The following WDR11 variants were observed in gnomAD, a reference collection of about 807,000 sequenced individuals.
WDR11 encodes the protein WD repeat-containing protein 11.
In WDR11, 83 loss-of-function variants were observed where a neutral mutation model predicts 151.2. The observed-to-expected ratio is 0.55, with a 90% CI of 0.46 to 0.66. The LOEUF is 0.66. WDR11 is among the 30% of genes least tolerant of loss of function. The pLI is 0.00. For synonymous variants in WDR11, 484 were observed against 533.1 expected (o/e 0.91, Z 1.27); for missense variants, 1,301 against 1,480.9 (o/e 0.88, Z 1.99).
At chr10:120,882,154 T>C (rs1455817641) in intron 13 of WDR11, among the ~76,000 whole-genome samples, 1 of 152,116 alleles carries the variant, frequency 6.6e-6, no homozygotes, top group African/African-American at 2.4e-5. Context: ...TTCACTAATA[T>C]GGTGAATTAC....
chr10:120,862,739 T>C lies in WDR11; in HGVS notation c.531T>C (p.Leu177=). The stretch of plus-strand genomic sequence containing the variant: ...GTTTTGCTTTTCTCAATATAGTGCT[T>C]ACCAGCGAGGGTATTGTTTTCATCT... The part of the protein sequence containing the change: ...DPFDPSHLTL[L]TSEGIVFISD... The change falls in exon 5 of 29, where the codon CTT becomes CTC. Residue 177 remains leucine (L), a synonymous_variant. Transcript: ENST00000263461. 6.2e-7 allele frequency: 1 copy of C among 1,614,198 alleles called. No individual in the cohort carries two copies. Among genetic ancestry groups the C allele is most frequent in the Non-Finnish European group, 8.5e-7 (1 of 1,180,042 alleles).
chr10:120,858,866 G>A, intron 3 of WDR11, 70 bp downstream of exon 3: 1 of 1,589,180 alleles, frequency 6.3e-7, no homozygotes, highest in South Asian at 1.1e-5. Context: ...TTTGGTTTTG[G>A]GGGTTTTCCC....
intron 11 of WDR11, among the ~76,000 whole-genome samples, chr10:120,875,962 G>T (rs1243280038): frequency 6.7e-6 from 1 of 149,930 alleles, no homozygotes; most frequent in Admixed American, 6.7e-5. Context: ...AATGGAGAAG[G>T]GTTAACCTTT....
At chr10:120,871,977 A>C (rs1164161452) in intron 10 of WDR11, among the ~76,000 whole-genome samples, 1 of 152,220 alleles carries the variant, frequency 6.6e-6, no homozygotes, top group Admixed American at 6.5e-5. Context: ...GTTTGCTATT[A>C]AGTACACATT....
At chr10:120,874,521 A>C (rs1407647447) in intron 11 of WDR11, among the ~76,000 whole-genome samples, 1 of 151,108 alleles carries the variant, frequency 6.6e-6, no homozygotes, top group Non-Finnish European at 1.5e-5. Context: ...TTTAAGCTCC[A>C]CATGCATTAG....
chr10:120,877,504 A>G (rs1249841304), intron 11 of WDR11, among the ~76,000 whole-genome samples: 2 of 152,204 alleles, frequency 1.3e-5, no homozygotes, highest in Non-Finnish European at 2.9e-5. Context: ...CTGTAGGCTC[A>G]GCCATTTGGG....
intron 14 of WDR11, chr10:120,885,157 T>A (rs1049625970): frequency 2.6e-5 from 4 of 152,236 alleles, no homozygotes; most frequent in African/African-American, 9.7e-5. Context: ...GTGTTTTTAC[T>A]GAGAGAGGAG....
intron 10 of WDR11, among the ~76,000 whole-genome samples, chr10:120,873,486 TA>T (rs1418881331): frequency 6.6e-6 from 1 of 152,212 alleles, no homozygotes; most frequent in African/African-American, 2.4e-5. Flanking sequence ...GAGGACCAGC[TA>T]TAATAAACCT....
chr10:120,883,718 G>A (rs1253503629), intron 13 of WDR11, 62 bp from the exon 14 acceptor site: 1 of 1,404,738 alleles, frequency 7.1e-7, no homozygotes, highest in Non-Finnish European at 1.0e-6. Context: ...CTTTTTATTT[G>A]CTCTAATTCA....
At chr10:120,852,695 A>G (rs904506846) in intron 2 of WDR11, 60 bp downstream of exon 2, 44 of 1,373,496 alleles carry the variant, frequency 3.2e-5, no homozygotes, top group African/African-American at 5.7e-5. Flanking sequence ...AATACTGTGT[A>G]TCACTAAGCT....
chr10:120,908,654 G>GCTGGCAAAGACTTATTGAATGA lies in WDR11; in HGVS notation c.3617_3638dup (p.Glu1213AspfsTer8). 1 of 1,614,220 alleles carries GCTGGCAAAGACTTATTGAATGA rather than the reference G, an allele frequency of 6.2e-7. No homozygotes were observed. The highest frequency in any genetic ancestry group is 1.1e-5 in the South Asian group (1 of 91,082). ...TCTCTTTGCTTCAAAAGCCGGAGCA[G>GCTGGCAAAGACTTATTGAATGA]CTGGCAAAGACTTATTGAATGAGCT... On this transcript the variant is annotated frameshift_variant, in exon 29 of 29. Coordinates refer to ENST00000263461, the MANE Select transcript of WDR11 (RefSeq NM_018117.12). LOFTEE classifies it high-confidence loss of function.
intron 12 of WDR11, chr10:120,880,176 G>T (rs1846947621): frequency 6.6e-6 from 1 of 152,048 alleles, no homozygotes; most frequent in South Asian, 2.1e-4. Flanking sequence ...CCAGACAATT[G>T]CTGTACCATA....
rs1029373149 is a variant in WDR11, at chr10:120,869,201, C to T, written c.1295-1969C>T. Among the ~76,000 whole-genome samples the T allele has an allele frequency of 4.6e-5, 7 of 150,578 alleles. No individual in the cohort carries two copies. In the East Asian group the frequency reaches 1.2e-3, roughly 26 times the overall value. Reference sequence around the variant, plus strand: ...TCTCGGCTCACTGCAAGCTCCGCCTCCCGGGTTCACGCCATTCTCCTGCCT... The same window carrying T: ...TCTCGGCTCACTGCAAGCTCCGCCTTCCGGGTTCACGCCATTCTCCTGCCT... On this transcript the variant is annotated intron_variant, in intron 9 of 28. Coordinates refer to ENST00000263461, the MANE Select transcript of WDR11 (RefSeq NM_018117.12).
rs1848182642 is a variant in WDR11 at position 120,908,947 on chromosome 10, T to TAATA, written c.*235_*238dup. 3 of 552,324 alleles carry TAATA rather than the reference T, an allele frequency of 5.4e-6. No individual in the cohort carries two copies. Among genetic ancestry groups the TAATA allele is most frequent in the South Asian group, 2.1e-5 (1 of 47,272 alleles). The allele number at this position is 552,324 out of a possible 1,614,324, so 34.2% of individuals were successfully genotyped here. Reference sequence around the variant, plus strand: ...GAATGCTTAAGATTTTGAAAGTACATAATATTTTATACTTTGGGAGAGAGC... The same window carrying TAATA: ...GAATGCTTAAGATTTTGAAAGTACATAATAAATATTTTATACTTTGGGAGAGAGC... On this transcript the variant is annotated 3_prime_UTR_variant, in exon 29 of 29. Coordinates refer to ENST00000263461, the MANE Select transcript of WDR11 (RefSeq NM_018117.12).
At chr10:120,901,008 G>C in intron 20 of WDR11, 28 bp from the exon 21 acceptor site, 1 of 1,479,140 alleles carries the variant, frequency 6.8e-7, no homozygotes, top group Non-Finnish European at 9.5e-7. Context: ...AAGAGATAAT[G>C]AACTCATTCA....
At chr10:120,857,706 G>A (rs1845998188) in intron 2 of WDR11, among the ~76,000 whole-genome samples, 1 of 152,086 alleles carries the variant, frequency 6.6e-6, no homozygotes, top group Non-Finnish European at 1.5e-5. Flanking sequence ...ATATATGAGT[G>A]TATTTATATC....
At chr10:120,898,290 A>T (rs1475103751) in intron 19 of WDR11, among the ~76,000 whole-genome samples, 1 of 152,208 alleles carries the variant, frequency 6.6e-6, no homozygotes, top group East Asian at 1.9e-4. Flanking sequence ...AATTTTCAGC[A>T]CAAACAGTTA....
chr10:120,890,302 T>C (rs966305315), intron 18 of WDR11, among the ~76,000 whole-genome samples: 1 of 152,184 alleles, frequency 6.6e-6, no homozygotes, highest in Non-Finnish European at 1.5e-5. Flanking sequence ...AGCCTCCACC[T>C]CCTGGGTTCA....
intron 19 of WDR11, among the ~76,000 whole-genome samples, chr10:120,891,645 T>C (rs1179969436): frequency 1.3e-5 from 2 of 152,214 alleles, no homozygotes; most frequent in Non-Finnish European, 2.9e-5. Context: ...TAGGCTGATA[T>C]GTAGAAAATT....
Sources: gnomAD v4.1 joint callset for allele counts (sites outside exome capture counted in the v4.1 genomes callset) on GRCh38, gnomAD v4.1.1 for gene constraint, MANE v1.5 for transcripts, NCBI Gene and HGNC (gene_info 2026-07-23, HGNC 2026-07-21) for gene names.